Variants in TPO observed in about 807,000 individuals in gnomAD.
The protein encoded by TPO is thyroid peroxidase.
A neutral mutation model predicts 96.9 loss-of-function variants in TPO; 78 were observed. The observed-to-expected ratio is 0.81, with a 90% CI of 0.67 to 0.97. The LOEUF (loss-of-function observed/expected upper bound fraction) is 0.97, where lower values mean the gene tolerates loss of function less well. Ranked by LOEUF, TPO falls within the 50% of genes least tolerant of loss-of-function variation. The pLI is 0.00. For synonymous variants in TPO, 547 were observed against 538.0 expected (o/e 1.02, Z -0.23); for missense variants, 1,252 against 1,274.8 (o/e 0.98, Z 0.27).
chr2:1,471,679 C>T (rs1385444392), intron 7 of TPO, among the ~76,000 whole-genome samples: 1 of 152,160 alleles, frequency 6.6e-6, no homozygotes, highest in Admixed American at 6.5e-5. Context: ...CCCCTGCCCC[C>T]AAACCAATCA....
Position 1,541,071 on chromosome 2 carries a change from T to TTAAGTGGAATAGTTA in TPO, c.2748+352_2748+366dup, listed in dbSNP as rs547800307. ...AACCCTGACTTTTAAATTCTGATTT[T>TTAAGTGGAATAGTTA]TAAGTGGAATAGTTATAATCAGTGT... On this transcript the variant is annotated intron_variant, in intron 16 of 16. Coordinates refer to ENST00000329066, the MANE Select transcript of TPO (RefSeq NM_001206744.2). 246 of 1,237,586 alleles carry TTAAGTGGAATAGTTA rather than the reference T, an allele frequency of 2.0e-4. No individual in the cohort carries two copies. The African/African-American group carries it at 3.5e-3, about 18-fold the overall frequency. 76.7% of individuals were successfully genotyped at this position (1,237,586 alleles called of 1,614,324 possible).
At chr2:1,456,032 A>C (rs1334892662) in intron 6 of TPO, 44 bp from the exon 7 acceptor site, 5 of 1,589,650 alleles carry the variant, frequency 3.1e-6, no homozygotes, top group Non-Finnish European at 4.3e-6. Flanking sequence ...TTCTGCTACC[A>C]CAGGGTCCTC....
At chr2:1,414,528 T>A (rs1405306582) in intron 2 of TPO, 26 bp downstream of exon 2, 1 of 1,606,126 alleles carries the variant, frequency 6.2e-7, no homozygotes, top group Non-Finnish European at 8.5e-7. Context: ...ATTGCGGTCT[T>A]CTGGCCTTAT....
At chr2:1,410,438 G>A (rs11681698), upstream of TPO, among the ~76,000 whole-genome samples, 1,058 of 152,318 alleles carry the variant, frequency 6.9e-3, 22 homozygotes, top group African/African-American at 0.023. Flanking sequence ...TCACAGGCAA[G>A]GGCCTATTAC....
At chr2:1,471,779 A>G (rs1251182779) in intron 7 of TPO, among the ~76,000 whole-genome samples, 1 of 152,098 alleles carries the variant, frequency 6.6e-6, no homozygotes, top group African/African-American at 2.4e-5. Flanking sequence ...TGGTGTAGAC[A>G]GCATAGTGGG....
chr2:1,542,403 T>G lies in TPO; in HGVS notation c.2749-18T>G. ...TCAGAATTCAGACGTTATTAATGTT[T>G]GTTCTGCATTTTTGCAGGAGAGTGC... On this transcript the variant is annotated intron_variant, in intron 16 of 16. Coordinates refer to ENST00000329066, the MANE Select transcript of TPO (RefSeq NM_001206744.2). The G allele has an allele frequency of 1.9e-6, 3 of 1,614,136 alleles. No homozygotes were observed. Among genetic ancestry groups the G allele is most frequent in the Non-Finnish European group, 2.5e-6 (3 of 1,180,008 alleles).
chr2:1,407,553 C>T (rs61423858), intron 1 of TPO, among the ~76,000 whole-genome samples: 10 of 152,166 alleles, frequency 6.6e-5, no homozygotes, highest in Non-Finnish European at 1.5e-4. Flanking sequence ...CAAACTACCC[C>T]CTTTTCTTGT....
chr2:1,541,197 TGA>T, intron 16 of TPO: 1 of 1,168,132 alleles, frequency 8.6e-7, no homozygotes. Flanking sequence ...ACTTTTGAAC[TGA>T]GAGAAGCAGA....
At position 1,392,743 on chromosome 2, in the gene TPO, A is replaced by G. The variant is rs569590558; in HGVS notation, n.180+18341A>G. ...CTTGGGAGGGTGTGTTTGTCCAGGA[A>G]TTTATCCTTTTCTTCTATATTTTTT... On this transcript the variant is annotated intron_variant and non_coding_transcript_variant, in intron 1 of 5. Coordinates refer to the TPO transcript ENST00000497517. Among the ~76,000 whole-genome samples, 4 of 152,198 alleles carry G rather than the reference A, an allele frequency of 2.6e-5. No individual in the cohort carries two copies. The East Asian group carries it at 5.8e-4, about 22-fold the overall frequency.
intron 13 of TPO, among the ~76,000 whole-genome samples, chr2:1,499,404 C>G (rs1672657923): frequency 6.6e-6 from 1 of 152,186 alleles, no homozygotes; most frequent in South Asian, 2.1e-4. Context: ...CAACAATTAA[C>G]AGCTGTCTGA....
In TPO at chr2:1,531,360, C is replaced by A. The variant is rs1204919310; in HGVS notation, c.2619-9234C>A. 4.2e-5 allele frequency among the ~76,000 whole-genome samples: 4 copies of A among 95,036 alleles called. 1 individual carries two copies. Among genetic ancestry groups the A allele is most frequent in the Non-Finnish European group, 6.3e-5 (3 of 47,916 alleles). The allele number at this position is 95,036 out of a possible 152,430, so 62.3% of individuals were successfully genotyped here. A position where few individuals can be genotyped will look rare whatever the true frequency, so the allele number is the denominator to read the frequency against. On this transcript the variant is annotated intron_variant, in intron 15 of 16. Coordinates refer to ENST00000329066, the MANE Select transcript of TPO (RefSeq NM_001206744.2). ...TCCCTCCCACTGTGTGCAGCCTCCC[C>A]AAATCCTCCCGACTCTGTGCAACCT...
At chr2:1,454,789 G>A (rs1667640204) in intron 6 of TPO, among the ~76,000 whole-genome samples, 1 of 152,200 alleles carries the variant, frequency 6.6e-6, no homozygotes, top group Non-Finnish European at 1.5e-5. Flanking sequence ...TTGTGATTCT[G>A]TAAACCCATA....
intron 2 of TPO, among the ~76,000 whole-genome samples, chr2:1,419,946 C>T (rs28909998): frequency 0.028 from 4,257 of 152,260 alleles, 85 homozygotes; most frequent in Admixed American, 0.046. Context: ...TCTTCCCCTA[C>T]AGATGGATGT....
At chr2:1,392,078 A>G (rs904735576) in intron 1 of TPO, among the ~76,000 whole-genome samples, 5 of 152,182 alleles carry the variant, frequency 3.3e-5, no homozygotes, top group African/African-American at 1.2e-4. Context: ...GAGAGAGGGC[A>G]TCCTTGTCTT....
intron 15 of TPO, among the ~76,000 whole-genome samples, chr2:1,526,522 C>A (rs1280649311): frequency 7.5e-5 from 11 of 147,476 alleles, no homozygotes; most frequent in Non-Finnish European, 1.0e-4. Context: ...CAAATCCTCC[C>A]AGTGTTCGCA....
rs1232716356 is a variant in TPO, at chr2:1,531,587, G to A, written c.2619-9007G>A. On this transcript the variant is annotated intron_variant, in intron 15 of 16. Coordinates refer to ENST00000329066, the MANE Select transcript of TPO (RefSeq NM_001206744.2). ...CCAAACCCCCACACTCTGTGCAACC[G>A]CCCCATATCCCCCCCACTCTGTGCA... Among the ~76,000 whole-genome samples, 3 of 18,706 alleles carry A rather than the reference G, an allele frequency of 1.6e-4. 1 individual carries two copies. The highest frequency in any genetic ancestry group is 6.2e-4 in the African/African-American group (3 of 4,842). The allele number at this position is 18,706 out of a possible 152,430, so 12.3% of individuals were successfully genotyped here. A position where few individuals can be genotyped will look rare whatever the true frequency, so the allele number is the denominator to read the frequency against.
intron 1 of TPO, among the ~76,000 whole-genome samples, chr2:1,404,028 A>G (rs1055211843): frequency 2.6e-5 from 4 of 152,208 alleles, no homozygotes; most frequent in Non-Finnish European, 5.9e-5. Context: ...ATCTTGCGTG[A>G]ACTTATGCAT....
intron 15 of TPO, among the ~76,000 whole-genome samples, chr2:1,523,657 T>G (rs1295970058): frequency 3.3e-4 from 15 of 45,664 alleles, no homozygotes; most frequent in African/African-American, 1.2e-3. Flanking sequence ...CCCACTGTGT[T>G]CAACCTCCTC....
At position 1,542,795 on chromosome 2, in the gene TPO, C is replaced by A; in HGVS notation, c.*321C>A. ...TCCTCCTGTCTCCACCTTCTGGCATCTCTGATGCCGTGCTCGTCTGCACTC... is the reference window on the plus strand; with the variant it reads ...TCCTCCTGTCTCCACCTTCTGGCATATCTGATGCCGTGCTCGTCTGCACTC... On this transcript the variant is annotated 3_prime_UTR_variant, in exon 17 of 17. Transcript: ENST00000329066. 1.7e-6 allele frequency: 1 copy of A among 593,398 alleles called. No individual in the cohort carries two copies. The highest frequency in any genetic ancestry group is 2.8e-6 in the Non-Finnish European group (1 of 361,860). 36.8% of individuals were successfully genotyped at this position (593,398 alleles called of 1,614,324 possible).
Sources: allele counts gnomAD v4.1 joint callset (sites outside exome capture counted in the v4.1 genomes callset), GRCh38; gene constraint gnomAD v4.1.1; transcripts MANE v1.5; gene names NCBI Gene and HGNC (gene_info 2026-07-23, HGNC 2026-07-21).